Variants in RXFP1 observed in about 807,000 individuals in gnomAD.
RXFP1 encodes relaxin family peptide receptor 1, also known as relaxin receptor 1.
A neutral mutation model predicts 89.8 loss-of-function variants in RXFP1; 73 were observed. That is an observed-to-expected ratio of 0.81 (90% CI 0.67 to 0.99). The LOEUF (loss-of-function observed/expected upper bound fraction) is 0.99. Ranked by LOEUF, RXFP1 falls within the 50% of genes least tolerant of loss-of-function variation. RXFP1 has a pLI of 0.00. For missense variants in RXFP1, 793 were observed against 895.5 expected (o/e 0.89, Z 1.46); for synonymous variants, 277 against 305.5 (o/e 0.91, Z 0.97).
At chr4:158,572,632 A>G (rs1289136718) in intron 1 of RXFP1, 66 bp from the exon 2 acceptor site, 2 of 1,387,818 alleles carry the variant, frequency 1.4e-6, no homozygotes, top group Admixed American at 1.7e-5. Context: ...TCAGGGAGAA[A>G]CTGCTCTTTG....
intron 11 of RXFP1, among the ~76,000 whole-genome samples, chr4:158,629,864 A>G (rs1219757870): frequency 6.6e-6 from 1 of 151,882 alleles, no homozygotes; most frequent in African/African-American, 2.4e-5. Context: ...GCCTTAAGCA[A>G]TCCTCCCGCC....
At chr4:158,560,349 C>A (rs1459750623) in intron 1 of RXFP1, among the ~76,000 whole-genome samples, 1 of 152,188 alleles carries the variant, frequency 6.6e-6, no homozygotes, top group African/African-American at 2.4e-5. Flanking sequence ...ATTTGTATGG[C>A]AGTTCACACC....
chr4:158,633,579 G>T, intron 12 of RXFP1, 103 bp downstream of exon 12: 1 of 675,008 alleles, frequency 1.5e-6, no homozygotes, highest in South Asian at 2.1e-5. Flanking sequence ...GTGTGTAGTT[G>T]AGTAGCATTA....
At chr4:158,557,925 G>C (rs771188119) in intron 1 of RXFP1, among the ~76,000 whole-genome samples, 2 of 152,048 alleles carry the variant, frequency 1.3e-5, no homozygotes, top group Non-Finnish European at 2.9e-5. Flanking sequence ...AATTATTAAT[G>C]TCCTGCTCCC....
chr4:158,588,622 T>C (rs1758766919), intron 2 of RXFP1, among the ~76,000 whole-genome samples: 1 of 152,212 alleles, frequency 6.6e-6, no homozygotes, highest in South Asian at 2.1e-4. Context: ...TATACCTCTC[T>C]TCTAACCAAG....
chr4:158,545,278 C>T (rs1747993805), intron 1 of RXFP1, among the ~76,000 whole-genome samples: 1 of 151,950 alleles, frequency 6.6e-6, no homozygotes, highest in Admixed American at 6.6e-5. Context: ...TATCCTTCGC[C>T]CACTTTTTGA....
intron 9 of RXFP1, among the ~76,000 whole-genome samples, chr4:158,620,573 A>G (rs1355339386): frequency 6.6e-6 from 1 of 152,210 alleles, no homozygotes. Flanking sequence ...CAGAAACATT[A>G]TACACTGTAA....
chr4:158,612,168 G>A lies in RXFP1; in HGVS notation c.575G>A (p.Gly192Asp), dbSNP rs1383012577. 1 of 1,611,552 alleles carries A rather than the reference G, an allele frequency of 6.2e-7. No homozygotes were observed. The highest frequency in any genetic ancestry group is 8.5e-7 in the Non-Finnish European group (1 of 1,179,248). Residue 192 changes from glycine to aspartate, a missense_variant, in exon 7 of 18, where the codon GGT becomes GAT. Transcript: ENST00000307765. ...SHNRITFLKP[G>D]VFEDLHRLEW... The stretch of plus-strand genomic sequence containing the variant: ...AACAGAATAACCTTCCTGAAGCCGG[G>A]TGTTTTTGAAGATCTTCACAGACTA...
chr4:158,629,136 C>T (rs534534770), intron 11 of RXFP1, among the ~76,000 whole-genome samples: 25 of 151,664 alleles, frequency 1.6e-4, no homozygotes, highest in Non-Finnish European at 3.2e-4. Flanking sequence ...CTGCAACCTC[C>T]GCCTCCCAGG....
At chr4:158,579,361 C>T (rs977118334) in intron 2 of RXFP1, among the ~76,000 whole-genome samples, 4 of 152,104 alleles carry the variant, frequency 2.6e-5, no homozygotes, top group South Asian at 2.1e-4. Context: ...CTCTGCCTAC[C>T]GGGTTCAAGC....
rs1055696705 is a variant in RXFP1 at position 158,652,118 on chromosome 4, G to A, written c.*63G>A. On this transcript the variant is annotated 3_prime_UTR_variant, in exon 18 of 18. Coordinates refer to ENST00000307765, the MANE Select transcript of RXFP1 (RefSeq NM_021634.4). ...GGGGGTGCTTCATGAGGGATTTACT[G>A]GTATGAAATGAATACCACAAAATTA... 39 of 1,327,682 alleles carry A rather than the reference G, an allele frequency of 2.9e-5. No individual in the cohort carries two copies. The East Asian group carries it at 7.6e-4, about 26-fold the overall frequency. The allele number at this position is 1,327,682 out of a possible 1,614,324, so 82.2% of individuals were successfully genotyped here.
In RXFP1 at chr4:158,582,922, A is replaced by G. The variant is rs536335222; in HGVS notation, c.187+10087A>G. On this transcript the variant is annotated intron_variant, in intron 2 of 17. Coordinates refer to ENST00000307765, the MANE Select transcript of RXFP1 (RefSeq NM_021634.4). Reference sequence around the variant, plus strand: ...TTCTCTTTTTTGGTCTTCCATATCTATTGTCAGTAATCAAATTTAAGCATT... The same window carrying G: ...TTCTCTTTTTTGGTCTTCCATATCTGTTGTCAGTAATCAAATTTAAGCATT... Among the ~76,000 whole-genome samples the G allele has an allele frequency of 2.2e-4, 34 of 152,308 alleles. No homozygotes were observed. In the South Asian group the frequency reaches 7.0e-3, roughly 32 times the overall value.
chr4:158,542,106 TA>T (rs33965184), intron 1 of RXFP1, among the ~76,000 whole-genome samples: 2,817 of 58,744 alleles, frequency 0.048, 201 homozygotes, highest in African/African-American at 0.14. Flanking sequence ...TATATATATA[TA>T]TATTTTTTTT....
chr4:158,620,330 T>C (rs1011576602), intron 9 of RXFP1, among the ~76,000 whole-genome samples: 1 of 152,052 alleles, frequency 6.6e-6, no homozygotes, highest in Admixed American at 6.5e-5. Flanking sequence ...ATAATACAAT[T>C]GTCTAACAAA....
chr4:158,629,593 T>C (rs1191999215), intron 11 of RXFP1, among the ~76,000 whole-genome samples: 1 of 149,906 alleles, frequency 6.7e-6, no homozygotes, highest in East Asian at 1.9e-4. Flanking sequence ...ACCATTTTTT[T>C]ATATTTTAGT....
At chr4:158,538,560 T>A (rs940760742) in intron 1 of RXFP1, among the ~76,000 whole-genome samples, 2 of 152,140 alleles carry the variant, frequency 1.3e-5, no homozygotes, top group Non-Finnish European at 2.9e-5. Flanking sequence ...ACGCCTGTAA[T>A]CCCAACACTT....
chr4:158,612,330 A>G lies in RXFP1; in HGVS notation c.648A>G (p.Pro216=). The G allele has an allele frequency of 6.2e-7, 1 of 1,612,164 alleles. No homozygotes were observed. Among genetic ancestry groups the G allele is most frequent in the Non-Finnish European group, 8.5e-7 (1 of 1,178,810 alleles). ...ATCACCTCAGTCGAATTTCCCCACC[A>G]ACATTTTATGGACTAAATTCTCTTA... ...EDNHLSRISP[P]TFYGLNSLIL... The change falls in exon 8 of 18, where the codon CCA becomes CCG. Residue 216 remains proline (P), a synonymous_variant. Transcript: ENST00000307765.
At chr4:158,522,958 T>C (rs1365676648) in intron 1 of RXFP1, among the ~76,000 whole-genome samples, 1 of 152,192 alleles carries the variant, frequency 6.6e-6, no homozygotes, top group Non-Finnish European at 1.5e-5. Context: ...ACTCTCCCAA[T>C]TGTAATATGT....
At chr4:158,572,005 C>G (rs1755171126) in intron 1 of RXFP1, among the ~76,000 whole-genome samples, 1 of 152,136 alleles carries the variant, frequency 6.6e-6, no homozygotes, top group African/African-American at 2.4e-5. Flanking sequence ...GAGGGCCAGT[C>G]TTTTAGGTCT....
Sources: allele counts gnomAD v4.1 joint callset (sites outside exome capture counted in the v4.1 genomes callset), GRCh38; gene constraint gnomAD v4.1.1; transcripts MANE v1.5; gene names NCBI Gene and HGNC (gene_info 2026-07-23, HGNC 2026-07-21).